The following CFAP95 variants were observed in gnomAD, a reference collection of about 807,000 sequenced individuals.
CFAP95 encodes the protein cilia- and flagella-associated protein 95.
At chr9:69,866,132 A>C in the CFAP95 span, among the ~76,000 whole-genome samples, 1 of 152,192 alleles carries the variant, frequency 6.6e-6, no homozygotes, top group Non-Finnish European at 1.5e-5. Flanking sequence ...AGTTTCCTGA[A>C]CATCACTTGT....
At chr9:69,901,136 GT>G in the CFAP95 span, among the ~76,000 whole-genome samples, 1 of 147,968 alleles carries the variant, frequency 6.8e-6, no homozygotes. Flanking sequence ...GTTTTGTTTG[GT>G]TTTGGTTTTT....
chr9:69,847,516 T>G, the CFAP95 span, among the ~76,000 whole-genome samples: 1 of 152,198 alleles, frequency 6.6e-6, no homozygotes, highest in South Asian at 2.1e-4. Flanking sequence ...TGCTGGCCTT[T>G]TTACCCTGCT....
chr9:69,888,802 C>T, the CFAP95 span, among the ~76,000 whole-genome samples: 4 of 151,908 alleles, frequency 2.6e-5, no homozygotes, highest in East Asian at 1.9e-4. Flanking sequence ...CTCTTGAACC[C>T]GGGAGGCAGA....
the CFAP95 span, among the ~76,000 whole-genome samples, chr9:69,847,472 C>T: frequency 4.3e-4 from 66 of 152,320 alleles, no homozygotes; most frequent in African/African-American, 1.6e-3. Context: ...TTCCAAACTG[C>T]CTCTTGGAGT....
At chr9:69,834,239 C>T in the CFAP95 span, among the ~76,000 whole-genome samples, 1 of 152,144 alleles carries the variant, frequency 6.6e-6, no homozygotes, top group Non-Finnish European at 1.5e-5. Flanking sequence ...TTCCACCACC[C>T]AGTGTCTTCA....
the CFAP95 span, among the ~76,000 whole-genome samples, chr9:69,848,416 C>T: frequency 6.6e-6 from 1 of 152,184 alleles, no homozygotes; most frequent in Non-Finnish European, 1.5e-5. Context: ...TTAAGTCTAG[C>T]CAGAGGCATC....
chr9:69,844,029 A>G, the CFAP95 span, among the ~76,000 whole-genome samples: 17 of 152,138 alleles, frequency 1.1e-4, no homozygotes, highest in East Asian at 2.1e-3. Flanking sequence ...CTTCTACCTC[A>G]TGTTTATCAG....
chr9:69,872,011 C>T, the CFAP95 span, among the ~76,000 whole-genome samples: 1 of 152,160 alleles, frequency 6.6e-6, no homozygotes, highest in Non-Finnish European at 1.5e-5. Context: ...ATTTAATGCT[C>T]ATTCTTTAAG....
chr9:69,846,036 G>A, the CFAP95 span, among the ~76,000 whole-genome samples: 1 of 152,214 alleles, frequency 6.6e-6, no homozygotes, highest in East Asian at 1.9e-4. Context: ...CTGTGGTCAG[G>A]AGAAGAGTAA....
chr9:69,861,597 C>G, the CFAP95 span, among the ~76,000 whole-genome samples: 159 of 152,126 alleles, frequency 1.0e-3, no homozygotes, highest in African/African-American at 3.8e-3. Context: ...TCAGATAGCT[C>G]TCCCCACAGG....
At chr9:69,898,707 T>C in the CFAP95 span, among the ~76,000 whole-genome samples, 1 of 152,162 alleles carries the variant, frequency 6.6e-6, no homozygotes, top group African/African-American at 2.4e-5. Context: ...GTCCCAATAA[T>C]GTTCTTTATA....
the CFAP95 span, among the ~76,000 whole-genome samples, chr9:69,858,331 A>G: frequency 2.0e-3 from 303 of 152,314 alleles, no homozygotes; most frequent in African/African-American, 6.9e-3. Context: ...TACAATCCCA[A>G]CTGAGGTCGA....
chr9:69,832,161 T>C, the CFAP95 span, among the ~76,000 whole-genome samples: 14 of 152,258 alleles, frequency 9.2e-5, no homozygotes, highest in Non-Finnish European at 1.5e-4. Flanking sequence ...TGGCACCTGC[T>C]CTCCTTGTAG....
the CFAP95 span, among the ~76,000 whole-genome samples, chr9:69,889,673 A>G: frequency 6.6e-6 from 1 of 151,246 alleles, no homozygotes; most frequent in African/African-American, 2.4e-5. Context: ...TGATAACTAA[A>G]CTCTTTCTTT....
At chr9:69,824,224 A>G in the CFAP95 span, among the ~76,000 whole-genome samples, 1 of 152,212 alleles carries the variant, frequency 6.6e-6, no homozygotes, top group African/African-American at 2.4e-5. Context: ...AGGGACAAAA[A>G]AGAACAGGCA....
At chr9:69,889,370 A>G in the CFAP95 span, among the ~76,000 whole-genome samples, 1 of 152,148 alleles carries the variant, frequency 6.6e-6, no homozygotes, top group Non-Finnish European at 1.5e-5. Flanking sequence ...AACTTCCCCA[A>G]CTACTCCCAG....
the CFAP95 span, among the ~76,000 whole-genome samples, chr9:69,846,612 C>T: frequency 1.3e-5 from 2 of 152,148 alleles, no homozygotes; most frequent in African/African-American, 4.8e-5. Context: ...AGTTCTAAAC[C>T]TAGACTTACA....
chr9:69,837,626 T>C, the CFAP95 span, among the ~76,000 whole-genome samples: 1 of 152,230 alleles, frequency 6.6e-6, no homozygotes, highest in African/African-American at 2.4e-5. Context: ...AGATTCTGGA[T>C]ATTAGCCCTT....
the CFAP95 span, among the ~76,000 whole-genome samples, chr9:69,895,363 C>CTGTGTG: frequency 0.044 from 3,929 of 89,640 alleles, 65 homozygotes; most frequent in Non-Finnish European, 0.063. Context: ...CTCTCTCTCT[C>CTGTGTG]TCTCTCTGTG....
Sources: gnomAD v4.1 joint callset for allele counts (sites outside exome capture counted in the v4.1 genomes callset) on GRCh38, gnomAD v4.1.1 for gene constraint, MANE v1.5 for transcripts, NCBI Gene and HGNC (gene_info 2026-07-23, HGNC 2026-07-21) for gene names.